The following CNTLN variants were observed in gnomAD, a reference collection of about 807,000 sequenced individuals.
The protein encoded by CNTLN is centlein.
In CNTLN, 212 loss-of-function variants were observed where a neutral mutation model predicts 180.0. The observed-to-expected ratio is 1.18, with a 90% CI of 1.05 to 1.32. CNTLN has a LOEUF of 1.32. Ranked by LOEUF, CNTLN falls within the 40% of genes most tolerant of loss-of-function variation. The pLI is 0.00. For synonymous variants in CNTLN, 722 were observed against 563.1 expected, an observed-to-expected ratio of 1.28 and a Z score of -3.99; for missense variants, 2,095 against 1,610.9, an observed-to-expected ratio of 1.30 and a Z score of -5.14.
At chr9:17,270,487 T>C (rs567949696) in intron 5 of CNTLN, among the ~76,000 whole-genome samples, 19 of 152,324 alleles carry the variant, frequency 1.2e-4, no homozygotes, top group Non-Finnish European at 2.6e-4. Flanking sequence ...CCCAAATCTT[T>C]CTTCAATACT....
At chr9:17,303,463 C>G (rs1301478615) in intron 7 of CNTLN, among the ~76,000 whole-genome samples, 2 of 152,118 alleles carry the variant, frequency 1.3e-5, no homozygotes, top group African/African-American at 4.8e-5. Flanking sequence ...GCCATTGTTT[C>G]TCCTGATTGT....
intron 13 of CNTLN, among the ~76,000 whole-genome samples, chr9:17,372,160 T>C (rs1470431336): frequency 2.6e-5 from 4 of 151,676 alleles, no homozygotes; most frequent in African/African-American, 9.7e-5. Flanking sequence ...TATGAAAAAA[T>C]CATTAAAACA....
At chr9:17,475,176 G>T (rs1478345061) in intron 23 of CNTLN, among the ~76,000 whole-genome samples, 2 of 151,972 alleles carry the variant, frequency 1.3e-5, no homozygotes, top group African/African-American at 4.8e-5. Flanking sequence ...TCTTTGCCCT[G>T]TCAAATTTCA....
rs540584045 is a variant in CNTLN at position 17,437,474 on chromosome 9, C to T, written c.3115-20050C>T. 3.7e-4 allele frequency among the ~76,000 whole-genome samples: 57 copies of T among 152,118 alleles called. 1 individual carries two copies. Among genetic ancestry groups the T allele is most frequent in the African/African-American group, 1.3e-3 (54 of 41,522 alleles). ...ACAATTTTATATTTCTGGTAGTGTC[C>T]TGATTTTTTACATCAACATACTTTC... On this transcript the variant is annotated intron_variant, in intron 18 of 25. Transcript: ENST00000380647.
At chr9:17,155,604 C>G (rs995890297) in intron 2 of CNTLN, among the ~76,000 whole-genome samples, 1 of 152,126 alleles carries the variant, frequency 6.6e-6, no homozygotes, top group Non-Finnish European at 1.5e-5. Context: ...TGGCGGACGC[C>G]CTTCCCCCAC....
At chr9:17,156,668 A>G (rs188084291) in intron 2 of CNTLN, among the ~76,000 whole-genome samples, 6 of 152,308 alleles carry the variant, frequency 3.9e-5, no homozygotes, top group Admixed American at 2.0e-4. Context: ...ATCTTTTTAG[A>G]TGTTACTATT....
chr9:17,266,609 CGTT>C (rs1827470563), intron 5 of CNTLN, among the ~76,000 whole-genome samples: 1 of 152,012 alleles, frequency 6.6e-6, no homozygotes, highest in Admixed American at 6.6e-5. Context: ...CTTTCTGTCT[CGTT>C]GATCTGTTTA....
intron 8 of CNTLN, among the ~76,000 whole-genome samples, chr9:17,315,367 G>A (rs966552477): frequency 6.6e-6 from 1 of 152,034 alleles, no homozygotes; most frequent in Non-Finnish European, 1.5e-5. Flanking sequence ...AACTTTAACA[G>A]TAGTGTGTCC....
intron 13 of CNTLN, among the ~76,000 whole-genome samples, chr9:17,383,775 C>T (rs930194606): frequency 6.6e-6 from 1 of 151,678 alleles, no homozygotes; most frequent in Non-Finnish European, 1.5e-5. Context: ...GTAGCTGGGA[C>T]TACAGGCGCC....
chr9:17,372,340 A>G (rs940203706), intron 13 of CNTLN, among the ~76,000 whole-genome samples: 4 of 152,184 alleles, frequency 2.6e-5, no homozygotes, highest in African/African-American at 9.6e-5. Context: ...CCAAATTCAT[A>G]TCAGCTATAT....
At chr9:17,455,734 G>T (rs1035984628) in intron 18 of CNTLN, among the ~76,000 whole-genome samples, 3 of 151,230 alleles carry the variant, frequency 2.0e-5, no homozygotes, top group African/African-American at 7.3e-5. Context: ...TGGCAGGCAG[G>T]TTTGGGGAAT....
chr9:17,203,785 C>T (rs901381712), intron 2 of CNTLN, among the ~76,000 whole-genome samples: 4 of 152,158 alleles, frequency 2.6e-5, no homozygotes, highest in Non-Finnish European at 4.4e-5. Flanking sequence ...TCTTGATCTC[C>T]GGACCTCGTG....
At chr9:17,272,867 T>A (rs1431774684) in intron 5 of CNTLN, among the ~76,000 whole-genome samples, 1 of 152,104 alleles carries the variant, frequency 6.6e-6, no homozygotes, top group South Asian at 2.1e-4. Context: ...AGAGTAAGTT[T>A]TTAAAAAGGC....
intron 12 of CNTLN, among the ~76,000 whole-genome samples, chr9:17,355,953 A>G (rs548253941): frequency 6.6e-6 from 1 of 151,618 alleles, no homozygotes; most frequent in South Asian, 2.1e-4. Context: ...AGTCCCAGCT[A>G]CTCGGTAGGC....
chr9:17,233,571 G>A (rs1021437793), intron 3 of CNTLN, among the ~76,000 whole-genome samples: 4 of 152,104 alleles, frequency 2.6e-5, no homozygotes, highest in Non-Finnish European at 4.4e-5. Context: ...TCTTGGTCAT[G>A]AATATTTGCA....
intron 19 of CNTLN, among the ~76,000 whole-genome samples, chr9:17,460,334 G>A (rs930796155): frequency 4.6e-5 from 7 of 151,710 alleles, no homozygotes; most frequent in African/African-American, 1.2e-4. Flanking sequence ...GCTGTAACAG[G>A]GATGACTTTT....
chr9:17,154,593 T>A (rs936588659), intron 2 of CNTLN, among the ~76,000 whole-genome samples: 2 of 152,206 alleles, frequency 1.3e-5, no homozygotes, highest in Non-Finnish European at 2.9e-5. Flanking sequence ...CTGGGAGATA[T>A]TGACAGGTGA....
chr9:17,228,279 C>A (rs989967945), intron 3 of CNTLN, among the ~76,000 whole-genome samples: 2 of 151,896 alleles, frequency 1.3e-5, no homozygotes, highest in African/African-American at 2.4e-5. Flanking sequence ...ACTTCTGCAT[C>A]CTTGAGTAGG....
intron 23 of CNTLN, among the ~76,000 whole-genome samples, chr9:17,471,538 C>T (rs1832042541): frequency 6.6e-6 from 1 of 152,062 alleles, no homozygotes. Flanking sequence ...AGAAGGCTGA[C>T]ATCAGTTTTT....
Sources: allele counts gnomAD v4.1 joint callset (sites outside exome capture counted in the v4.1 genomes callset), GRCh38; gene constraint gnomAD v4.1.1; transcripts MANE v1.5; gene names NCBI Gene and HGNC (gene_info 2026-07-23, HGNC 2026-07-21).